CNTNAP3: variants seen among roughly 807,000 people sequenced by gnomAD.
The protein encoded by CNTNAP3 is contactin associated protein family member 3.
A neutral mutation model predicts 92.1 loss-of-function variants in CNTNAP3; 36 were observed. The observed-to-expected ratio is 0.39, with a 90% CI of 0.30 to 0.52. The LOEUF (loss-of-function observed/expected upper bound fraction) is 0.52, where lower values mean the gene tolerates loss of function less well. Among genes scored for constraint, CNTNAP3 ranks in the 20% least tolerant of loss-of-function variants. CNTNAP3 has a pLI of 0.76. For synonymous variants in CNTNAP3, 232 were observed against 422.3 expected (o/e 0.55, Z 5.53); for missense variants, 534 against 1,069.6 (o/e 0.50, Z 6.98).
At chr9:39,115,349 T>A in intron 14 of CNTNAP3, among the ~76,000 whole-genome samples, 1 of 152,120 alleles carries the variant, frequency 6.6e-6, no homozygotes, top group East Asian at 1.9e-4. Context: ...ATTTATGTTC[T>A]TATGTCTACA....
intron 14 of CNTNAP3, among the ~76,000 whole-genome samples, chr9:39,112,446 A>G (rs1826771453): frequency 6.6e-6 from 1 of 151,710 alleles, no homozygotes. Flanking sequence ...GCTCACTGCA[A>G]CCTCCACCCC....
chr9:39,133,094 C>G lies in CNTNAP3; in HGVS notation c.1918G>C (p.Ala640Pro), dbSNP rs769552862. 2.5e-5 allele frequency: 39 copies of G among 1,571,786 alleles called. No homozygotes were observed. The African/African-American group carries it at 4.6e-4, about 18-fold the overall frequency. ...WTVVQHGGPD[A>P]VTLRGAPSGH... ...CTGGGGGCACCTCGGAGGGTCACCGCGTCGGGGCCACCGTGCTGCACCACC... is the reference window on the plus strand; with the variant it reads ...CTGGGGGCACCTCGGAGGGTCACCGGGTCGGGGCCACCGTGCTGCACCACC... Residue 640 changes from alanine (A) to proline (P), a missense_variant, in exon 13 of 24, where the codon GCG becomes CCG. Ala to Pro is a conservative substitution (Grantham distance 27). Coordinates refer to ENST00000297668, the MANE Select transcript of CNTNAP3 (RefSeq NM_033655.5).
At chr9:39,179,284 T>TACACACA (rs1324700834) in intron 4 of CNTNAP3, among the ~76,000 whole-genome samples, 2 of 45,280 alleles carry the variant, frequency 4.4e-5, no homozygotes, top group Non-Finnish European at 8.6e-5. Flanking sequence ...TCTCTCTCTC[T>TACACACA]CTACACACAC....
At chr9:39,144,146 C>A (rs1413921510) in intron 11 of CNTNAP3, 94 bp downstream of exon 11, 3 of 1,401,272 alleles carry the variant, frequency 2.1e-6, no homozygotes, top group Admixed American at 5.7e-5. Flanking sequence ...GATGTGTTTG[C>A]ATGATTGCAA....
At chr9:39,228,536 C>T (rs192732418) in intron 3 of CNTNAP3, among the ~76,000 whole-genome samples, 59 of 2,942 alleles carry the variant, frequency 0.02, 1 homozygote, top group African/African-American at 0.02. Context: ...AACTGTGAGC[C>T]GTTGAATCTT....
At chr9:39,132,871 G>A (rs1821327316) in intron 13 of CNTNAP3, 61 bp downstream of exon 13, 8 of 1,485,408 alleles carry the variant, frequency 5.4e-6, no homozygotes, top group Admixed American at 4.8e-5. Flanking sequence ...AACGCATCTC[G>A]CAGCCCGAGG....
At chr9:39,138,150 A>T (rs1821487636) in intron 12 of CNTNAP3, among the ~76,000 whole-genome samples, 1 of 152,032 alleles carries the variant, frequency 6.6e-6, no homozygotes, top group African/African-American at 2.4e-5. Flanking sequence ...TCAGCTTCTC[A>T]AAAAGTAATA....
At chr9:39,170,380 C>G (rs563371786) in intron 8 of CNTNAP3, among the ~76,000 whole-genome samples, 3 of 107,326 alleles carry the variant, frequency 2.8e-5, no homozygotes, top group African/African-American at 6.0e-5. Context: ...AAGCAGAAGT[C>G]AGCCTCTTCG....
intron 9 of CNTNAP3, chr9:39,153,984 G>A (rs1244771891): frequency 6.4e-6 from 1 of 157,444 alleles, no homozygotes; most frequent in Non-Finnish European, 1.3e-5. Flanking sequence ...CAGGAAATTG[G>A]TGGGTTTTTC....
At chr9:39,093,746 A>G (rs1420220150) in intron 18 of CNTNAP3, among the ~76,000 whole-genome samples, 1 of 151,578 alleles carries the variant, frequency 6.6e-6, no homozygotes, top group African/African-American at 2.4e-5. Context: ...TGTATATACT[A>G]CATTTTTTAA....
chr9:39,135,012 G>C (rs1326597431), intron 12 of CNTNAP3, among the ~76,000 whole-genome samples: 1 of 152,168 alleles, frequency 6.6e-6, no homozygotes, highest in Non-Finnish European at 1.5e-5. Flanking sequence ...TCAGTACTGA[G>C]AAGGGAACTG....
At chr9:39,137,261 C>A (rs535424080) in intron 12 of CNTNAP3, among the ~76,000 whole-genome samples, 1,543 of 151,688 alleles carry the variant, frequency 0.01, 34 homozygotes, top group African/African-American at 0.036. Context: ...CTTAGGGATT[C>A]TTTCCAAAGC....
At position 39,140,540 on chromosome 9, in the gene CNTNAP3, GAA is replaced by G. The variant is rs1228705421; in HGVS notation, c.1853_1854del (p.Phe618SerfsTer89). ...ATACCTGTCATATTGCAGTACACAA[GAA>G]ATGGTCCCAGGGGGCCACTTCCATC... ...DADGSGPLGPFLVYCNMTADA... is the reference protein window; with the variant it reads ...DADGSGPLGPXLVYCNMTADA... On this transcript the variant is annotated frameshift_variant, in exon 12 of 24. Coordinates refer to ENST00000297668, the MANE Select transcript of CNTNAP3 (RefSeq NM_033655.5). LOFTEE classifies it high-confidence loss of function. The G allele has an allele frequency of 3.1e-6, 5 of 1,613,620 alleles. No homozygotes were observed. The Admixed American group carries it at 6.7e-5, about 22-fold the overall frequency.
chr9:39,075,060 G>A (rs1388860696), intron 23 of CNTNAP3, among the ~76,000 whole-genome samples: 3 of 152,398 alleles, frequency 2.0e-5, no homozygotes, highest in Non-Finnish European at 4.4e-5. Flanking sequence ...GAGCCACCGC[G>A]CCCGGCCGAT....
chr9:39,102,845 T>C (rs1227565643), intron 16 of CNTNAP3, 130 bp from the exon 17 acceptor site: 1 of 1,306,514 alleles, frequency 7.7e-7, no homozygotes, highest in Non-Finnish European at 1.1e-6. Flanking sequence ...AAAACGGGAC[T>C]GTGAGTTGGG....
Position 39,078,449 on chromosome 9 carries a change from A to T in CNTNAP3, c.3681T>A (p.Ser1227=), listed in dbSNP as rs1429893738. 1 of 1,612,136 alleles carries T rather than the reference A, an allele frequency of 6.2e-7. No homozygotes were observed. Among genetic ancestry groups the T allele is most frequent in the African/African-American group, 1.3e-5 (1 of 75,016 alleles). The change falls in exon 23 of 24, where the codon TCT becomes TCA. Residue 1227 remains serine (S), a synonymous_variant. Transcript: ENST00000297668. ...APRLAGGAGR[S]GPADEGEPLV... is the part of the protein sequence containing the mutation. ...AGGGCTCTCCCTCATCCGCTGGTCC[A>T]GAACGACCTACAACAGGGAAAGGGA... is the stretch of plus-strand genomic sequence containing the variant.
chr9:39,065,859 A>C lies in CNTNAP3; in HGVS notation c.*8031T>G, dbSNP rs1351460425. Among the ~76,000 whole-genome samples the C allele has an allele frequency of 6.6e-6, 1 of 152,184 alleles. No homozygotes were observed. Among genetic ancestry groups the C allele is most frequent in the East Asian group, 1.9e-4 (1 of 5,182 alleles). On this transcript the variant is annotated 3_prime_UTR_variant, in exon 24 of 24. Transcript: ENST00000297668. ...CTTTATGAACTATATTCTGAAAAAAATTTACAGCATTCAAATAAAGTGTTG... is the reference window on the plus strand; with the variant it reads ...CTTTATGAACTATATTCTGAAAAAACTTTACAGCATTCAAATAAAGTGTTG...
chr9:39,132,934 C>G lies in CNTNAP3; in HGVS notation c.2078G>C (p.Arg693Pro), dbSNP rs778510909. ...RCGTARRPDS[R>P]DGTPLSWWVG... ...TAGCCTCCAGGAGTGGCGCTTACCT[C>G]GTGAGTCCGGGCGCCGCGCCGTCCC... is the stretch of plus-strand genomic sequence containing the variant. Residue 693 changes from arginine to proline, a missense_variant and splice_region_variant, in exon 13 of 24, where the codon CGA (arginine) becomes CCA (proline). Arg to Pro is a moderately radical substitution (Grantham distance 103). Transcript: ENST00000297668. 1 of 1,543,852 alleles carries G rather than the reference C, an allele frequency of 6.5e-7. No individual in the cohort carries two copies. The highest frequency in any genetic ancestry group is 8.7e-7 in the Non-Finnish European group (1 of 1,154,914).
At chr9:39,161,956 C>A (rs999094664) in intron 9 of CNTNAP3, among the ~76,000 whole-genome samples, 1 of 120,268 alleles carries the variant, frequency 8.3e-6, no homozygotes, top group African/African-American at 4.5e-5. Flanking sequence ...TTCATGACAA[C>A]GACACCGAAA....
Sources: gnomAD v4.1 joint callset for allele counts (sites outside exome capture counted in the v4.1 genomes callset) on GRCh38, gnomAD v4.1.1 for gene constraint, MANE v1.5 for transcripts, NCBI Gene and HGNC (gene_info 2026-07-23, HGNC 2026-07-21) for gene names.